The following MTHFS variants were observed in gnomAD, a reference collection of about 807,000 sequenced individuals.
MTHFS encodes 5-formyltetrahydrofolate cyclo-ligase.
MTHFS carries 7 observed loss-of-function variants against 12.7 expected under a neutral mutation model. The observed-to-expected ratio is 0.55, with a 90% CI of 0.31 to 1.03. The LOEUF (loss-of-function observed/expected upper bound fraction) is 1.03, where lower values mean the gene tolerates loss of function less well. MTHFS is among the 50% of genes least tolerant of loss of function. MTHFS has a pLI of 0.05. For synonymous variants in MTHFS, 100 were observed against 97.1 expected (o/e 1.03, Z -0.18); for missense variants, 252 against 258.1 (o/e 0.98, Z 0.16).
chr15:79,870,160 GA>G (rs1465347544), intron 2 of MTHFS, among the ~76,000 whole-genome samples: 23 of 152,134 alleles, frequency 1.5e-4, no homozygotes, highest in African/African-American at 5.6e-4. Context: ...AGGAAAACAT[GA>G]ATGACATCAG....
chr15:79,864,470 G>A lies in MTHFS; in HGVS notation c.380-19028C>T, dbSNP rs184556843. Among the ~76,000 whole-genome samples, 56 of 146,970 alleles carry A rather than the reference G, an allele frequency of 3.8e-4. 1 individual carries two copies. Among genetic ancestry groups the A allele is most frequent in the African/African-American group, 1.3e-3 (51 of 39,898 alleles). ...TGAGGCAGGAGAATCGCTTGAACCC[G>A]GGAGGTGGAGGGTGCATTAAGCCTA... On this transcript the variant is annotated intron_variant, in intron 2 of 2. Transcript: ENST00000258874.
intron 2 of MTHFS, among the ~76,000 whole-genome samples, chr15:79,880,738 G>A (rs566540443): frequency 6.7e-6 from 1 of 149,570 alleles, no homozygotes; most frequent in Admixed American, 6.7e-5. Flanking sequence ...TGGGGTAAAT[G>A]AAATGGGGTT....
chr15:79,868,908 A>G (rs1192519666), intron 2 of MTHFS, among the ~76,000 whole-genome samples: 5 of 152,176 alleles, frequency 3.3e-5, no homozygotes, highest in African/African-American at 9.7e-5. Flanking sequence ...ACGCACACAC[A>G]CAAACATAAA....
rs147652374 is a variant in MTHFS, at chr15:79,874,951, G to A, written c.379+14142C>T. On this transcript the variant is annotated intron_variant, in intron 2 of 2. Transcript: ENST00000258874. ...TATTGTTTAAACACACATGCTTTAC[G>A]AACAATTTGTGCAGTTAACGCAATC... is the stretch of plus-strand genomic sequence containing the variant. Among the ~76,000 whole-genome samples, 21 of 151,970 alleles carry A rather than the reference G, an allele frequency of 1.4e-4. 1 individual carries two copies. Among genetic ancestry groups the A allele is most frequent in the African/African-American group, 4.8e-4 (20 of 41,404 alleles).
chr15:79,897,135 G>A (rs891342931), upstream of MTHFS: 3 of 709,346 alleles, frequency 4.2e-6, no homozygotes, highest in African/African-American at 1.9e-5. Flanking sequence ...TCCGGGACGC[G>A]GGCCCGCGGC....
At chr15:79,872,722 G>A (rs2034128287) in intron 2 of MTHFS, among the ~76,000 whole-genome samples, 1 of 152,198 alleles carries the variant, frequency 6.6e-6, no homozygotes, top group African/African-American at 2.4e-5. Flanking sequence ...CATTGCCATG[G>A]CATTTGTAAA....
intron 2 of MTHFS, among the ~76,000 whole-genome samples, chr15:79,851,545 C>T (rs532790140): frequency 2.0e-5 from 3 of 152,240 alleles, no homozygotes; most frequent in Admixed American, 6.5e-5. Flanking sequence ...ATTTGTAAAG[C>T]GCCTACGATG....
At chr15:79,877,458 T>G (rs1346448485) in intron 2 of MTHFS, 1 of 152,108 alleles carries the variant, frequency 6.6e-6, no homozygotes, top group African/African-American at 2.4e-5. Flanking sequence ...CCCAGCACTT[T>G]GGGAAGCCAC....
intron 2 of MTHFS, among the ~76,000 whole-genome samples, chr15:79,868,164 A>C (rs551462785): frequency 6.6e-4 from 101 of 152,356 alleles, no homozygotes; most frequent in African/African-American, 2.4e-3. Context: ...ACTAAACTTA[A>C]GTAGGAATTT....
At chr15:79,868,217 T>A (rs1163071355) in intron 2 of MTHFS, among the ~76,000 whole-genome samples, 1 of 152,218 alleles carries the variant, frequency 6.6e-6, no homozygotes, top group Non-Finnish European at 1.5e-5. Flanking sequence ...AAATATGTAA[T>A]AGCTTTTATT....
At chr15:79,888,846 T>C (rs2141376484) in intron 2 of MTHFS, among the ~76,000 whole-genome samples, 1 of 152,218 alleles carries the variant, frequency 6.6e-6, no homozygotes, top group East Asian at 1.9e-4. Context: ...TCAGGAAAAA[T>C]ATATAATTCA....
chr15:79,897,016 C>G, upstream of MTHFS: 1 of 1,499,558 alleles, frequency 6.7e-7, no homozygotes, highest in Non-Finnish European at 8.9e-7. Context: ...TCCAGTCCCG[C>G]CCTCGGCGCC....
chr15:79,845,288 C>T lies in MTHFS; in HGVS notation c.534G>A (p.Gln178=). The T allele has an allele frequency of 6.2e-7, 1 of 1,614,114 alleles. No homozygotes were observed. Among genetic ancestry groups the T allele is most frequent in the Non-Finnish European group, 8.5e-7 (1 of 1,180,018 alleles). Residue 178 remains glutamine, a synonymous_variant, in exon 3 of 3, where the codon CAG becomes CAA. Coordinates refer to ENST00000258874, the MANE Select transcript of MTHFS (RefSeq NM_006441.4). ...PYTLALAFKE[Q]ICLQVPVNEN... ...CATTCACTGGGACCTGGAGGCAAAT[C>T]TGTTCTTTGAAAGCCAACGCCAGGG... is the stretch of plus-strand genomic sequence containing the variant.
intron 2 of MTHFS, among the ~76,000 whole-genome samples, chr15:79,880,433 G>A (rs957439265): frequency 2.6e-5 from 4 of 151,674 alleles, no homozygotes; most frequent in Non-Finnish European, 2.9e-5. Context: ...TGTAGATGAC[G>A]ATTAACATAA....
chr15:79,872,969 A>C (rs1298498537), intron 2 of MTHFS, among the ~76,000 whole-genome samples: 1 of 152,338 alleles, frequency 6.6e-6, no homozygotes, highest in East Asian at 1.9e-4. Flanking sequence ...TTAGAGGCCC[A>C]GCCTAGCTGA....
chr15:79,878,429 A>G (rs1344044526), intron 2 of MTHFS, among the ~76,000 whole-genome samples: 10 of 151,272 alleles, frequency 6.6e-5, no homozygotes, highest in Non-Finnish European at 7.4e-5. Context: ...GAGGCAAGAC[A>G]AGACGGTTAA....
chr15:79,845,154 A>G lies in MTHFS; in HGVS notation c.*56T>C, dbSNP rs992169091. 2.5e-6 allele frequency: 4 copies of G among 1,590,536 alleles called. No individual in the cohort carries two copies. Among genetic ancestry groups the G allele is most frequent in the Middle Eastern group, 1.7e-4 (1 of 5,830 alleles). Reference sequence around the variant, plus strand: ...AATTTTTGACAAGGGAAAAATACACATACTTTGCTTTACTCTCATATAAAA... The same window carrying G: ...AATTTTTGACAAGGGAAAAATACACGTACTTTGCTTTACTCTCATATAAAA... On this transcript the variant is annotated 3_prime_UTR_variant, in exon 3 of 3. Coordinates refer to ENST00000258874, the MANE Select transcript of MTHFS (RefSeq NM_006441.4).
At chr15:79,845,565 T>C in intron 2 of MTHFS, 123 bp from the exon 3 acceptor site, 1 of 1,324,440 alleles carries the variant, frequency 7.6e-7, no homozygotes, top group Non-Finnish European at 1.0e-6. Context: ...TGTGTGACCA[T>C]TAATATCCAA....
At chr15:79,894,127 G>C (rs1262621347) in intron 1 of MTHFS, among the ~76,000 whole-genome samples, 1 of 152,342 alleles carries the variant, frequency 6.6e-6, no homozygotes, top group African/African-American at 2.4e-5. Flanking sequence ...GCTCACGCCT[G>C]TAATCCCAGC....
Sources: allele counts gnomAD v4.1 joint callset (sites outside exome capture counted in the v4.1 genomes callset), GRCh38; gene constraint gnomAD v4.1.1; transcripts MANE v1.5; gene names NCBI Gene and HGNC (gene_info 2026-07-23, HGNC 2026-07-21).